DCC: variants seen among roughly 807,000 people sequenced by gnomAD.
The protein encoded by DCC is DCC netrin 1 receptor, also known as netrin receptor DCC.
A neutral mutation model predicts 172.5 loss-of-function variants in DCC; 58 were observed. That is an observed-to-expected ratio of 0.34 (90% confidence interval 0.27 to 0.42). The LOEUF (loss-of-function observed/expected upper bound fraction) is 0.42, where lower values mean the gene tolerates loss of function less well. DCC is among the 10% of genes least tolerant of loss of function. The pLI is 1.00. For missense variants in DCC, 1,740 were observed against 1,791.0 expected (o/e 0.97, Z 0.51); for synonymous variants, 709 against 644.5 (o/e 1.10, Z -1.52).
intron 7 of DCC, among the ~76,000 whole-genome samples, chr18:53,114,008 C>T (rs2043374493): frequency 6.6e-6 from 1 of 151,374 alleles, no homozygotes; most frequent in Non-Finnish European, 1.5e-5. Context: ...CAGAATTTTA[C>T]AGTTCTGAAG....
intron 15 of DCC, among the ~76,000 whole-genome samples, chr18:53,380,121 G>C (rs1907600386): frequency 6.6e-6 from 1 of 152,062 alleles, no homozygotes; most frequent in African/African-American, 2.4e-5. Context: ...TAATTCATTT[G>C]GAATCATCAT....
rs1050408507 is a variant in DCC, at chr18:53,064,058, T to G, written c.1140+599T>G. Among the ~76,000 whole-genome samples the G allele has an allele frequency of 2.6e-5, 4 of 152,162 alleles. No homozygotes were observed. The East Asian group carries it at 7.7e-4, about 29-fold the overall frequency. ...CCAGAGTACACATTGCTTTGTAATT[T>G]CCAATACTGGAATGAATTGAAGCTA... On this transcript the variant is annotated intron_variant, in intron 6 of 28. Coordinates refer to ENST00000442544, the MANE Select transcript of DCC (RefSeq NM_005215.4).
At chr18:53,458,030 A>G (rs1048168247) in intron 23 of DCC, among the ~76,000 whole-genome samples, 3 of 152,182 alleles carry the variant, frequency 2.0e-5, no homozygotes, top group Admixed American at 2.0e-4. Context: ...CACAGGTTAC[A>G]GGTGTTTTCA....
chr18:52,388,348 G>A (rs944426578), intron 1 of DCC, among the ~76,000 whole-genome samples: 2 of 151,556 alleles, frequency 1.3e-5, no homozygotes, highest in East Asian at 3.9e-4. Context: ...TTGCTTTGTA[G>A]CCACAGTCCA....
intron 15 of DCC, among the ~76,000 whole-genome samples, chr18:53,360,737 C>T (rs1039809932): frequency 1.3e-5 from 2 of 152,116 alleles, no homozygotes; most frequent in African/African-American, 4.8e-5. Context: ...CAGGTTAAAT[C>T]TTTGTGCCGA....
intron 1 of DCC, among the ~76,000 whole-genome samples, chr18:52,547,269 T>C (rs1411686786): frequency 6.6e-6 from 1 of 152,180 alleles, no homozygotes; most frequent in Non-Finnish European, 1.5e-5. Flanking sequence ...ATTGGGACTT[T>C]TAAAACAAAA....
intron 1 of DCC, among the ~76,000 whole-genome samples, chr18:52,579,472 C>A (rs1245477156): frequency 1.3e-5 from 2 of 151,990 alleles, no homozygotes; most frequent in Non-Finnish European, 2.9e-5. Context: ...TTTTGAAATT[C>A]TTCCTCCTAG....
intron 12 of DCC, among the ~76,000 whole-genome samples, chr18:53,250,029 T>G (rs1255653434): frequency 6.6e-6 from 1 of 152,006 alleles, no homozygotes; most frequent in South Asian, 2.1e-4. Context: ...CGTGAAGATC[T>G]GAAGTTCAGA....
intron 2 of DCC, among the ~76,000 whole-genome samples, chr18:52,895,539 C>A (rs2039716016): frequency 6.6e-6 from 1 of 151,846 alleles, no homozygotes; most frequent in Non-Finnish European, 1.5e-5. Context: ...TAAAGATATG[C>A]TTGTTTTAGA....
chr18:53,046,111 A>C (rs2144017618), intron 5 of DCC, among the ~76,000 whole-genome samples: 1 of 152,070 alleles, frequency 6.6e-6, no homozygotes, highest in Middle Eastern at 3.4e-3. Flanking sequence ...ATAGGAATGA[A>C]AAGACAAATA....
In DCC at chr18:53,394,491, T is replaced by G. The variant is rs1273073018; in HGVS notation, c.2688+2604T>G. On this transcript the variant is annotated intron_variant, in intron 17 of 28. Coordinates refer to ENST00000442544, the MANE Select transcript of DCC (RefSeq NM_005215.4). ...TAACTTTCCTGATCAAATGGAGACA[T>G]TTTCTATATGTTTTTCTATTAAAGT... 7.2e-5 allele frequency among the ~76,000 whole-genome samples: 11 copies of G among 152,286 alleles called. No homozygotes were observed. The East Asian group carries it at 1.9e-3, about 27-fold the overall frequency.
At chr18:53,039,080 A>C (rs981368941) in intron 5 of DCC, among the ~76,000 whole-genome samples, 1 of 152,012 alleles carries the variant, frequency 6.6e-6, no homozygotes, top group African/African-American at 2.4e-5. Flanking sequence ...TCTTGCATGC[A>C]TCCCAATAGT....
chr18:53,003,724 G>C (rs2041602817), intron 5 of DCC, among the ~76,000 whole-genome samples: 1 of 151,814 alleles, frequency 6.6e-6, no homozygotes, highest in Non-Finnish European at 1.5e-5. Flanking sequence ...TTCATGCATG[G>C]CTTAGGAAAA....
intron 1 of DCC, among the ~76,000 whole-genome samples, chr18:52,737,050 T>A (rs1244102852): frequency 6.6e-6 from 1 of 152,220 alleles, no homozygotes; most frequent in African/African-American, 2.4e-5. Flanking sequence ...ATAGTCTCTA[T>A]CATTCAAGGG....
intron 1 of DCC, among the ~76,000 whole-genome samples, chr18:52,705,895 GA>G (rs1418573826): frequency 6.6e-6 from 1 of 152,126 alleles, no homozygotes; most frequent in Non-Finnish European, 1.5e-5. Flanking sequence ...CCTAGATTTT[GA>G]AGTTTAATGT....
intron 5 of DCC, chr18:52,941,052 T>G (rs2040453579): frequency 6.6e-6 from 1 of 152,058 alleles, no homozygotes; most frequent in Admixed American, 6.6e-5. Flanking sequence ...AGAAAAATGA[T>G]GGGTGAAAAG....
chr18:53,264,545 T>C (rs938408161), intron 12 of DCC, among the ~76,000 whole-genome samples: 1 of 150,316 alleles, frequency 6.7e-6, no homozygotes, highest in Non-Finnish European at 1.5e-5. Context: ...GCAATCCCCA[T>C]GCAATGCTCT....
chr18:52,593,512 G>A (rs1312545949), intron 1 of DCC, among the ~76,000 whole-genome samples: 1 of 151,912 alleles, frequency 6.6e-6, no homozygotes, highest in Non-Finnish European at 1.5e-5. Context: ...TTTATTTTTT[G>A]GTGCTTTCTG....
rs117368298 is a variant in DCC, at chr18:52,368,150, G to A, written c.91+27272G>A. Among the ~76,000 whole-genome samples, 27 of 152,316 alleles carry A rather than the reference G, an allele frequency of 1.8e-4. No individual in the cohort carries two copies. The East Asian group carries it at 5.2e-3, about 29-fold the overall frequency. On this transcript the variant is annotated intron_variant, in intron 1 of 28. Transcript: ENST00000442544. Reference sequence around the variant, plus strand: ...CACTTGTGCAGCTGTACACCCTGTGGCTAGAGTTGAATATACATATTTACC... The same window carrying A: ...CACTTGTGCAGCTGTACACCCTGTGACTAGAGTTGAATATACATATTTACC...
Sources: allele counts gnomAD v4.1 joint callset (sites outside exome capture counted in the v4.1 genomes callset), GRCh38; gene constraint gnomAD v4.1.1; transcripts MANE v1.5; gene names NCBI Gene and HGNC (gene_info 2026-07-23, HGNC 2026-07-21).